DTL: variants seen among roughly 807,000 people sequenced by gnomAD.
The protein encoded by DTL is denticleless protein homolog.
In DTL, 46 loss-of-function variants were observed where a neutral mutation model predicts 87.0. That is an observed-to-expected ratio of 0.53 (90% CI 0.42 to 0.68). The LOEUF (loss-of-function observed/expected upper bound fraction) is 0.68. Among genes scored for constraint, DTL ranks in the 30% least tolerant of loss-of-function variants. The pLI is 0.00. For missense variants in DTL, 737 were observed against 869.4 expected (o/e 0.85, Z 1.91); for synonymous variants, 308 against 311.2 (o/e 0.99, Z 0.11).
In DTL at chr1:212,080,638, T is replaced by C. The variant is rs1050550607; in HGVS notation, c.1149T>C (p.Asn383=). Residue 383 remains asparagine, a synonymous_variant, in exon 13 of 15, where the codon AAT becomes AAC. Transcript: ENST00000366991. The part of the protein sequence containing the change: ...FTKIATCSDD[N]TLKIWRLNRG... ...AGATTGCTACCTGTTCTGATGACAA[T>C]ACACTAAAAATCTGGCGCTTGAATA... The C allele has an allele frequency of 3.7e-6, 6 of 1,613,498 alleles. No homozygotes were observed. In the South Asian group the frequency reaches 5.5e-5, roughly 15 times the overall value.
chr1:212,055,068 A>G (rs1191124990), intron 5 of DTL, among the ~76,000 whole-genome samples: 2 of 152,224 alleles, frequency 1.3e-5, no homozygotes, highest in Non-Finnish European at 2.9e-5. Flanking sequence ...GTGAGATATT[A>G]TAGTGACAGT....
intron 11 of DTL, among the ~76,000 whole-genome samples, chr1:212,074,382 C>T (rs1654768234): frequency 6.6e-6 from 1 of 152,026 alleles, no homozygotes; most frequent in Admixed American, 6.6e-5. Flanking sequence ...GAATACTTGC[C>T]TTTAAAGATA....
At position 212,060,322 on chromosome 1, in the gene DTL, T is replaced by C. The variant is rs115155476; in HGVS notation, c.461-2562T>C. Reference sequence around the variant, plus strand: ...AATAGAGAATTCAGAAATAAATCCATATATTTACAGCCAATTGATTTTCAA... The same window carrying C: ...AATAGAGAATTCAGAAATAAATCCACATATTTACAGCCAATTGATTTTCAA... On this transcript the variant is annotated intron_variant, in intron 5 of 14. Transcript: ENST00000366991. 3.7e-3 allele frequency among the ~76,000 whole-genome samples: 569 copies of C among 152,118 alleles called. 5 individuals are homozygous for C. Among genetic ancestry groups the C allele is most frequent in the African/African-American group, 0.013 (534 of 41,502 alleles).
intron 5 of DTL, among the ~76,000 whole-genome samples, chr1:212,058,396 A>T (rs1668243460): frequency 6.6e-6 from 1 of 152,210 alleles, no homozygotes; most frequent in African/African-American, 2.4e-5. Context: ...ATCAACAACA[A>T]AAGGAAGTTT....
At chr1:212,053,012 C>T (rs1460020255) in intron 5 of DTL, among the ~76,000 whole-genome samples, 1 of 152,174 alleles carries the variant, frequency 6.6e-6, no homozygotes, top group Non-Finnish European at 1.5e-5. Flanking sequence ...TATACAACCA[C>T]TATAGTAATT....
At chr1:212,054,778 A>G in intron 5 of DTL, among the ~76,000 whole-genome samples, 1 of 142,234 alleles carries the variant, frequency 7.0e-6, no homozygotes, top group Non-Finnish European at 1.5e-5. Flanking sequence ...CTGGGTGACA[A>G]CGAGACACCA....
At chr1:212,040,583 A>G (rs1667610053) in intron 1 of DTL, among the ~76,000 whole-genome samples, 1 of 152,240 alleles carries the variant, frequency 6.6e-6, no homozygotes, top group Admixed American at 6.5e-5. Flanking sequence ...GTGAGATGAT[A>G]TAATACCTAC....
At chr1:212,089,064 CGACAA>C (rs1558088777) in intron 13 of DTL, among the ~76,000 whole-genome samples, 2 of 152,160 alleles carry the variant, frequency 1.3e-5, no homozygotes, top group African/African-American at 4.8e-5. Context: ...CCAGCCTGGG[CGACAA>C]GACAAGACTC....
intron 1 of DTL, among the ~76,000 whole-genome samples, chr1:212,036,442 T>C (rs561111424): frequency 1.3e-5 from 2 of 152,288 alleles, no homozygotes; most frequent in South Asian, 2.1e-4. Flanking sequence ...CAAAATCTTA[T>C]TTTCCCCGTT....
At chr1:212,063,804 C>G (rs1303977259) in intron 6 of DTL, among the ~76,000 whole-genome samples, 1 of 151,912 alleles carries the variant, frequency 6.6e-6, no homozygotes, top group Non-Finnish European at 1.5e-5. Context: ...ATGATCAAAT[C>G]AGGATAATTG....
chr1:212,068,584 GT>G lies in DTL; in HGVS notation c.818-12del. The stretch of plus-strand genomic sequence containing the variant: ...CCATCATCAGGACGTGCTAACTTAA[GT>G]TTCCTTTTTCCAGGATATTCAAGTC... On this transcript the variant is annotated splice_polypyrimidine_tract_variant and intron_variant, in intron 9 of 14. Transcript: ENST00000366991. The G allele has an allele frequency of 6.4e-7, 1 of 1,565,650 alleles. No individual in the cohort carries two copies. Among genetic ancestry groups the G allele is most frequent in the Non-Finnish European group, 8.8e-7 (1 of 1,137,022 alleles).
chr1:212,066,717 T>C (rs1654516514), intron 7 of DTL, 95 bp from the exon 8 acceptor site: 8 of 939,576 alleles, frequency 8.5e-6, no homozygotes, highest in Admixed American at 2.0e-5. Context: ...TCTAAGTCAG[T>C]CTGGGGAGAA....
chr1:212,046,936 A>G (rs1667825470), intron 3 of DTL, among the ~76,000 whole-genome samples: 1 of 152,200 alleles, frequency 6.6e-6, no homozygotes, highest in Middle Eastern at 3.2e-3. Flanking sequence ...ATCTCTCCGC[A>G]GCCTTGCCAG....
intron 13 of DTL, among the ~76,000 whole-genome samples, chr1:212,089,035 G>A (rs932731934): frequency 2.6e-5 from 4 of 152,182 alleles, no homozygotes; most frequent in African/African-American, 7.2e-5. Flanking sequence ...GCAGTGAGCC[G>A]AGATCATGCC....
intron 13 of DTL, among the ~76,000 whole-genome samples, chr1:212,087,157 A>G (rs1257530216): frequency 2.0e-5 from 3 of 152,234 alleles, no homozygotes; most frequent in Non-Finnish European, 2.9e-5. Flanking sequence ...AAAATCTCAT[A>G]GCTATGAAGT....
At chr1:212,092,164 G>A (rs148442376) in intron 13 of DTL, among the ~76,000 whole-genome samples, 283 of 152,152 alleles carry the variant, frequency 1.9e-3, no homozygotes, top group African/African-American at 6.2e-3. Context: ...ATGCCTTTGC[G>A]TCCTCATAGC....
intron 3 of DTL, among the ~76,000 whole-genome samples, chr1:212,044,995 GC>G (rs1667767254): frequency 6.6e-6 from 1 of 152,146 alleles, no homozygotes; most frequent in African/African-American, 2.4e-5. Flanking sequence ...GCAAAGAGGA[GC>G]CCATGAATAC....
rs1158869620 is a variant in DTL, at chr1:212,068,288, A to G, written c.778A>G (p.Lys260Glu). ...TAYRQEPIAS[K>E]SFLYPGSSTR... Reference sequence around the variant, plus strand: ...TTATCGACAAGAACCCATAGCATCCAAGTCTTTCCTGTACCCAGGTAGCAG... The same window carrying G: ...TTATCGACAAGAACCCATAGCATCCGAGTCTTTCCTGTACCCAGGTAGCAG... Residue 260 changes from lysine to glutamate, a missense_variant, in exon 9 of 15, where the codon AAG becomes GAG. Transcript: ENST00000366991. 6.2e-7 allele frequency: 1 copy of G among 1,612,724 alleles called. No individual in the cohort carries two copies. The highest frequency in any genetic ancestry group is 8.5e-7 in the Non-Finnish European group (1 of 1,179,600).
chr1:212,062,110 C>G (rs989251604), intron 5 of DTL, among the ~76,000 whole-genome samples: 2 of 152,172 alleles, frequency 1.3e-5, no homozygotes, highest in African/African-American at 4.8e-5. Context: ...ACATATACCC[C>G]ATAAATATGT....
Sources: gnomAD v4.1 joint callset for allele counts (sites outside exome capture counted in the v4.1 genomes callset) on GRCh38, gnomAD v4.1.1 for gene constraint, MANE v1.5 for transcripts, NCBI Gene and HGNC (gene_info 2026-07-23, HGNC 2026-07-21) for gene names.